Variants in NPAS3 observed in about 807,000 individuals in gnomAD.
NPAS3 encodes neuronal PAS domain-containing protein 3.
A neutral mutation model predicts 73.1 loss-of-function variants in NPAS3; 14 were observed. The ratio of observed to expected loss-of-function variants is 0.19; its 90% CI spans 0.13 to 0.30. NPAS3 has a LOEUF of 0.30. Among genes scored for constraint, NPAS3 ranks in the 10% least tolerant of loss-of-function variants. The pLI, the probability that NPAS3 is intolerant of heterozygous loss-of-function variation, is 1.00. For synonymous variants in NPAS3, 620 were observed against 541.5 expected, an observed-to-expected ratio of 1.14 and a Z score of -2.01; for missense variants, 1,096 against 1,250.0, an observed-to-expected ratio of 0.88 and a Z score of 1.86.
rs150750821 is a variant in NPAS3, at chr14:33,416,396, C to T, written c.468+49128C>T. ...TCTAGCATTTTATTAAAATCCTAAA[C>T]GATAACACTACTTCCATAACGTGTT... On this transcript the variant is annotated intron_variant, in intron 4 of 11. Coordinates refer to ENST00000356141, the Ensembl canonical transcript of NPAS3. 5.3e-5 allele frequency among the ~76,000 whole-genome samples: 8 copies of T among 152,056 alleles called. No homozygotes were observed. The East Asian group carries it at 5.8e-4, about 11-fold the overall frequency.
intron 2 of NPAS3, among the ~76,000 whole-genome samples, chr14:33,167,805 A>G (rs1408039278): frequency 6.6e-6 from 1 of 152,180 alleles, no homozygotes; most frequent in East Asian, 1.9e-4. Flanking sequence ...AGACATGGTT[A>G]TTCTAGAATA....
chr14:33,717,856 C>G (rs370935337), intron 6 of NPAS3, among the ~76,000 whole-genome samples: 31 of 152,260 alleles, frequency 2.0e-4, no homozygotes, highest in East Asian at 1.2e-3. Context: ...TGTAAATCAC[C>G]TGGCATTAAT....
At chr14:33,323,227 C>T (rs2043539472) in intron 3 of NPAS3, among the ~76,000 whole-genome samples, 1 of 152,172 alleles carries the variant, frequency 6.6e-6, no homozygotes, top group Non-Finnish European at 1.5e-5. Context: ...TCTCCTTTGT[C>T]TACATATTTT....
chr14:33,105,603 A>G (rs1056075472), intron 2 of NPAS3, among the ~76,000 whole-genome samples: 9 of 152,166 alleles, frequency 5.9e-5, no homozygotes, highest in African/African-American at 1.9e-4. Flanking sequence ...ACTCCTTGTT[A>G]CAATGAGTCA....
chr14:33,613,891 C>T (rs1026983783), intron 5 of NPAS3, among the ~76,000 whole-genome samples: 1 of 152,174 alleles, frequency 6.6e-6, no homozygotes, highest in Non-Finnish European at 1.5e-5. Flanking sequence ...CTTCTCCCCC[C>T]TCTTATAGGG....
chr14:33,393,116 G>A (rs571570606), intron 4 of NPAS3, among the ~76,000 whole-genome samples: 1 of 152,168 alleles, frequency 6.6e-6, no homozygotes, highest in Admixed American at 6.5e-5. Context: ...ACTAAATGAT[G>A]TGACAACATT....
chr14:33,782,489 G>A (rs2063007726), intron 9 of NPAS3, among the ~76,000 whole-genome samples: 1 of 152,300 alleles, frequency 6.6e-6, no homozygotes, highest in East Asian at 1.9e-4. Context: ...AGAAGGAGCT[G>A]AATTTGTCTC....
At chr14:33,070,135 C>G (rs893700520) in intron 2 of NPAS3, among the ~76,000 whole-genome samples, 1 of 152,072 alleles carries the variant, frequency 6.6e-6, no homozygotes, top group African/African-American at 2.4e-5. Flanking sequence ...AGATATGACT[C>G]CTAGTACATA....
chr14:33,239,523 C>A (rs1182765114), intron 3 of NPAS3, among the ~76,000 whole-genome samples: 1 of 151,700 alleles, frequency 6.6e-6, no homozygotes, highest in Non-Finnish European at 1.5e-5. Context: ...TGTTTTTATC[C>A]ATCAGTACCA....
At chr14:33,175,064 C>T (rs1214276800) in intron 2 of NPAS3, among the ~76,000 whole-genome samples, 1 of 152,058 alleles carries the variant, frequency 6.6e-6, no homozygotes, top group Non-Finnish European at 1.5e-5. Context: ...CCTAAGAATA[C>T]TGTATTTTTT....
intron 6 of NPAS3, among the ~76,000 whole-genome samples, chr14:33,709,481 C>T (rs757266222): frequency 8.5e-5 from 13 of 152,108 alleles, no homozygotes; most frequent in Admixed American, 3.3e-4. Context: ...CTCGGGAGGG[C>T]AAGAGTTTAG....
intron 7 of NPAS3, among the ~76,000 whole-genome samples, chr14:33,761,200 C>T (rs1029448536): frequency 6.6e-6 from 1 of 152,206 alleles, no homozygotes; most frequent in Non-Finnish European, 1.5e-5. Flanking sequence ...TTGATCCTAA[C>T]ACAACTTTTC....
At chr14:33,281,205 C>T (rs975981162) in intron 3 of NPAS3, among the ~76,000 whole-genome samples, 1 of 152,196 alleles carries the variant, frequency 6.6e-6, no homozygotes, top group Non-Finnish European at 1.5e-5. Flanking sequence ...AAAGCAAAGA[C>T]CTTCACTCGA....
chr14:33,497,303 C>G (rs946740291), intron 4 of NPAS3, among the ~76,000 whole-genome samples: 1 of 152,068 alleles, frequency 6.6e-6, no homozygotes, highest in Non-Finnish European at 1.5e-5. Context: ...AGTGCTATCC[C>G]CATCAAGCTA....
chr14:33,105,584 G>A (rs572722085), intron 2 of NPAS3, among the ~76,000 whole-genome samples: 1 of 152,168 alleles, frequency 6.6e-6, no homozygotes, highest in African/African-American at 2.4e-5. Flanking sequence ...CTAAAGCACA[G>A]CAAAAACTAC....
intron 1 of NPAS3, among the ~76,000 whole-genome samples, chr14:33,028,914 C>G (rs1285903086): frequency 2.6e-5 from 4 of 152,114 alleles, no homozygotes; most frequent in Non-Finnish European, 5.9e-5. Context: ...TTTGCTGCAC[C>G]TGTCAATCCA....
At chr14:33,076,026 T>A (rs1237629979) in intron 2 of NPAS3, among the ~76,000 whole-genome samples, 1 of 152,224 alleles carries the variant, frequency 6.6e-6, no homozygotes, top group Non-Finnish European at 1.5e-5. Context: ...TTTTTGCATT[T>A]TCCATCATTA....
chr14:32,975,099 TACA>T (rs540405527), intron 1 of NPAS3, among the ~76,000 whole-genome samples: 86 of 152,268 alleles, frequency 5.6e-4, no homozygotes, highest in Non-Finnish European at 9.7e-4. Context: ...CATAAAAGTC[TACA>T]ACAAGCACTT....
chr14:33,345,830 A>T (rs374951399), intron 3 of NPAS3, among the ~76,000 whole-genome samples: 9 of 152,106 alleles, frequency 5.9e-5, no homozygotes, highest in East Asian at 5.8e-4. Context: ...ATCTCAAATG[A>T]TATTGGTTCT....
Sources: allele counts gnomAD v4.1 joint callset (sites outside exome capture counted in the v4.1 genomes callset), GRCh38; gene constraint gnomAD v4.1.1; transcripts MANE v1.5; gene names NCBI Gene and HGNC (gene_info 2026-07-23, HGNC 2026-07-21).